Variants in KRAS observed in about 807,000 individuals in gnomAD.
The protein encoded by KRAS is GTPase KRas.
A neutral mutation model predicts 21.0 loss-of-function variants in KRAS; 1 was observed. The observed-to-expected ratio is 0.05, with a 90% CI of 0.02 to 0.23. The LOEUF (loss-of-function observed/expected upper bound fraction) is 0.23, where lower values mean the gene tolerates loss of function less well. KRAS is among the 10% of genes least tolerant of loss of function. The pLI, the probability that KRAS is intolerant of heterozygous loss-of-function variation, is 1.00. For missense variants in KRAS, 107 were observed against 221.8 expected (o/e 0.48, Z 3.29); for synonymous variants, 67 against 72.5 (o/e 0.92, Z 0.39).
chr12:25,206,804 T>G lies in KRAS; in HGVS notation c.*2991A>C, dbSNP rs1283174707. On this transcript the variant is annotated 3_prime_UTR_variant, in exon 5 of 5. Coordinates refer to ENST00000311936, the MANE Select transcript of KRAS (RefSeq NM_004985.5). ...TTTGTACCCAGATAAAACTATTAAT[T>G]TTTAAGTATATTTTAATTACTTATG... 2 of 196,870 alleles carry G rather than the reference T, an allele frequency of 1.0e-5. No homozygotes were observed. The allele number at this position is 196,870 out of a possible 1,614,324, so 12.2% of individuals were successfully genotyped here.
At chr12:25,233,580 T>A (rs920513331) in intron 2 of KRAS, among the ~76,000 whole-genome samples, 4 of 152,172 alleles carry the variant, frequency 2.6e-5, no homozygotes, top group African/African-American at 9.6e-5. Flanking sequence ...GTCTTAAAAA[T>A]AAAAATGCAA....
intron 4 of KRAS, among the ~76,000 whole-genome samples, chr12:25,221,546 T>C (rs1481809833): frequency 6.6e-6 from 1 of 152,126 alleles, no homozygotes; most frequent in African/African-American, 2.4e-5. Flanking sequence ...CAGCCTATTT[T>C]TATACTATGC....
intron 1 of KRAS, among the ~76,000 whole-genome samples, chr12:25,247,342 G>A (rs1234765144): frequency 1.3e-5 from 2 of 152,088 alleles, no homozygotes; most frequent in South Asian, 2.1e-4. Flanking sequence ...AAGCCCTGCC[G>A]CAAAAAGCAC....
chr12:25,226,429 G>A (rs1951392514), intron 3 of KRAS, among the ~76,000 whole-genome samples: 1 of 152,108 alleles, frequency 6.6e-6, no homozygotes, highest in Non-Finnish European at 1.5e-5. Context: ...CAAATTCCCG[G>A]TTCCGAACAC....
At chr12:25,239,764 C>A (rs546029063) in intron 2 of KRAS, among the ~76,000 whole-genome samples, 15 of 152,158 alleles carry the variant, frequency 9.9e-5, no homozygotes, top group African/African-American at 3.6e-4. Flanking sequence ...ACTAGCCTGG[C>A]CAACATGGTG....
chr12:25,208,243 C>CA lies in KRAS; in HGVS notation c.*1551dup, dbSNP rs1951162247. 8.6e-6 allele frequency: 2 copies of CA among 233,004 alleles called. No individual in the cohort carries two copies. The highest frequency in any genetic ancestry group is 1.7e-5 in the Non-Finnish European group (2 of 117,828). The allele number at this position is 233,004 out of a possible 1,614,324, so 14.4% of individuals were successfully genotyped here. ...GGATAGTAAGTGATGTCCTCAAAAT[C>CA]AGAGTCCTAAAAGACACCTATCTAG... On this transcript the variant is annotated 3_prime_UTR_variant, in exon 5 of 5. Coordinates refer to ENST00000311936, the MANE Select transcript of KRAS (RefSeq NM_004985.5).
rs1248515676 is a variant in KRAS, at chr12:25,206,484, A to G, written c.*3311T>C. The G allele has an allele frequency of 4.9e-6, 1 of 204,216 alleles. No homozygotes were observed. The highest frequency in any genetic ancestry group is 1.0e-5 in the Non-Finnish European group (1 of 99,900). The allele number at this position is 204,216 out of a possible 1,614,324, so 12.7% of individuals were successfully genotyped here. ...ATTCTCCCCCTTTAAAATCTCTACA[A>G]AAACAAATCTTTTGTTAAACCATTC... On this transcript the variant is annotated 3_prime_UTR_variant, in exon 5 of 5. Coordinates refer to ENST00000311936, the MANE Select transcript of KRAS (RefSeq NM_004985.5).
chr12:25,226,611 C>T (rs1304056131), intron 3 of KRAS, among the ~76,000 whole-genome samples: 6 of 152,054 alleles, frequency 3.9e-5, no homozygotes, highest in South Asian at 2.1e-4. Flanking sequence ...TAGGCTAACT[C>T]GTTATTATAT....
At position 25,207,231 on chromosome 12, in the gene KRAS, A is replaced by G. The variant is rs918618478; in HGVS notation, c.*2564T>C. ...GTGACTGGCATCTGGTAGGCACTCA[A>G]TAAATATTTGCTGAATAAATGAGTT... On this transcript the variant is annotated 3_prime_UTR_variant, in exon 5 of 5. Coordinates refer to ENST00000311936, the MANE Select transcript of KRAS (RefSeq NM_004985.5). 7.8e-5 allele frequency: 16 copies of G among 206,136 alleles called. No homozygotes were observed. The highest frequency in any genetic ancestry group is 5.9e-4 in the Admixed American group (10 of 16,828). 12.8% of individuals were successfully genotyped at this position (206,136 alleles called of 1,614,324 possible).
At chr12:25,243,256 A>T (rs1951633644) in intron 2 of KRAS, among the ~76,000 whole-genome samples, 1 of 152,168 alleles carries the variant, frequency 6.6e-6, no homozygotes, top group Non-Finnish European at 1.5e-5. Context: ...AACTTAATGT[A>T]ATGTGTCAGT....
Position 25,206,401 on chromosome 12 carries a change from C to A in KRAS, c.*3394G>T, listed in dbSNP as rs1390578081. 4.9e-6 allele frequency: 1 copy of A among 202,884 alleles called. No homozygotes were observed. The highest frequency in any genetic ancestry group is 2.3e-5 in the African/African-American group (1 of 43,724). 12.6% of individuals were successfully genotyped at this position (202,884 alleles called of 1,614,324 possible). A position where few individuals can be genotyped will look rare whatever the true frequency, so the allele number is the denominator to read the frequency against. Reference sequence around the variant, plus strand: ...TGTAATTTAGCTTTTTTTAAAAAAACTTCAACAAGGATTTTTGTCTTTAAG... The same window carrying A: ...TGTAATTTAGCTTTTTTTAAAAAAAATTCAACAAGGATTTTTGTCTTTAAG... On this transcript the variant is annotated 3_prime_UTR_variant, in exon 5 of 5. Coordinates refer to ENST00000311936, the MANE Select transcript of KRAS (RefSeq NM_004985.5).
chr12:25,227,646 C>T (rs994305262), intron 2 of KRAS, among the ~76,000 whole-genome samples: 1 of 151,874 alleles, frequency 6.6e-6, no homozygotes. Flanking sequence ...TACCACATAC[C>T]CATTAGGATT....
At chr12:25,211,324 C>T (rs575379864) in intron 4 of KRAS, 1 of 152,212 alleles carries the variant, frequency 6.6e-6, no homozygotes, top group African/African-American at 2.4e-5. Context: ...CCTGTAATCC[C>T]AGCACTTTGG....
At chr12:25,225,806 T>C in intron 3 of KRAS, 33 bp from the exon 4 acceptor site, 2 of 1,590,804 alleles carry the variant, frequency 1.3e-6, no homozygotes, top group Non-Finnish European at 1.7e-6. Flanking sequence ...AGCACAGTCA[T>C]TAGTAACACA....
chr12:25,222,143 C>A (rs577454751), intron 4 of KRAS, among the ~76,000 whole-genome samples: 2 of 107,014 alleles, frequency 1.9e-5, no homozygotes, highest in African/African-American at 3.6e-5. Flanking sequence ...AGCAAGACTC[C>A]GTCTCAAAAA....
In KRAS at chr12:25,206,217, T is replaced by C. The variant is rs889790251; in HGVS notation, c.*3578A>G. The C allele has an allele frequency of 6.5e-5, 14 of 214,646 alleles. No homozygotes were observed. Among genetic ancestry groups the C allele is most frequent in the African/African-American group, 3.2e-4 (14 of 44,324 alleles). 13.3% of individuals were successfully genotyped at this position (214,646 alleles called of 1,614,324 possible). A position where few individuals can be genotyped will look rare whatever the true frequency, so the allele number is the denominator to read the frequency against. On this transcript the variant is annotated 3_prime_UTR_variant, in exon 5 of 5. Coordinates refer to ENST00000311936, the MANE Select transcript of KRAS (RefSeq NM_004985.5). Reference sequence around the variant, plus strand: ...ATATTAGGACAAAATTGTGCAATGGTGACAACAGTTTTGATAACCTATAAA... The same window carrying C: ...ATATTAGGACAAAATTGTGCAATGGCGACAACAGTTTTGATAACCTATAAA...
chr12:25,249,233 T>C (rs1380471316), intron 1 of KRAS, among the ~76,000 whole-genome samples: 1 of 152,042 alleles, frequency 6.6e-6, no homozygotes, highest in Non-Finnish European at 1.5e-5. Flanking sequence ...CCGTCTCTAC[T>C]AAAAATACAA....
At chr12:25,210,678 A>G (rs183950233) in intron 4 of KRAS, 2 of 152,314 alleles carry the variant, frequency 1.3e-5, no homozygotes, top group Non-Finnish European at 2.9e-5. Flanking sequence ...TCTATCCCAT[A>G]AAGTTTTAAT....
rs12587 is a variant in KRAS, at chr12:25,205,894, T to G, written c.*3901A>C. The G allele has an allele frequency of 0.52, 111,026 of 215,296 alleles. 30,117 individuals carry two copies. The highest frequency in any genetic ancestry group is 0.79 in the East Asian group (11,326 of 14,278). The allele number at this position is 215,296 out of a possible 1,614,324, so 13.3% of individuals were successfully genotyped here. A position where few individuals can be genotyped will look rare whatever the true frequency, so the allele number is the denominator to read the frequency against. On this transcript the variant is annotated 3_prime_UTR_variant, in exon 5 of 5. Coordinates refer to ENST00000311936, the MANE Select transcript of KRAS (RefSeq NM_004985.5). ...GTTTCATTTTATGACAGCTATTCAG[T>G]TTCTCAATGCAGAATTCATGCTATC...
Sources: gnomAD v4.1 joint callset for allele counts (sites outside exome capture counted in the v4.1 genomes callset) on GRCh38, gnomAD v4.1.1 for gene constraint, MANE v1.5 for transcripts, NCBI Gene and HGNC (gene_info 2026-07-23, HGNC 2026-07-21) for gene names.